HMCES: variants seen among roughly 807,000 people sequenced by gnomAD.
HMCES encodes 5-hydroxymethylcytosine binding, ES cell specific.
A neutral mutation model predicts 35.1 loss-of-function variants in HMCES; 27 were observed. That is an observed-to-expected ratio of 0.77 (90% confidence interval 0.57 to 1.06). The LOEUF (loss-of-function observed/expected upper bound fraction) is 1.06, where lower values mean the gene tolerates loss of function less well. Ranked by LOEUF, HMCES falls within the 50% of genes least tolerant of loss-of-function variation. The pLI is 0.00. For missense variants in HMCES, 391 were observed against 430.4 expected, an observed-to-expected ratio of 0.91 and a Z score of 0.81; for synonymous variants, 130 against 154.7, an observed-to-expected ratio of 0.84 and a Z score of 1.18.
At chr3:129,281,926 CA>C (rs553350109) in intron 2 of HMCES, among the ~76,000 whole-genome samples, 15,702 of 71,678 alleles carry the variant, frequency 0.22, 579 homozygotes, top group African/African-American at 0.28. Flanking sequence ...GACTCAGTCT[CA>C]AAAAAAAAAA....
At chr3:129,291,907 A>G (rs2071023365) in intron 4 of HMCES, among the ~76,000 whole-genome samples, 1 of 152,138 alleles carries the variant, frequency 6.6e-6, no homozygotes, top group Non-Finnish European at 1.5e-5. Flanking sequence ...TCTGGGCAAC[A>G]TGGCGAAAAC....
chr3:129,283,168 G>GGA (rs757802731), intron 2 of HMCES, among the ~76,000 whole-genome samples: 1 of 152,096 alleles, frequency 6.6e-6, no homozygotes, highest in Non-Finnish European at 1.5e-5. Context: ...AGAAGTCTCT[G>GGA]GATGGTGGGG....
In HMCES at chr3:129,289,016, T is replaced by A. The variant is rs776149687; in HGVS notation, c.327+19T>A. ...ATTTAAGGTAGGTGGCTGGTAGCTA[T>A]TAGTGCCCCGTATACCTCAGAAATA... On this transcript the variant is annotated intron_variant, in intron 3 of 6. Transcript: ENST00000383463. The A allele has an allele frequency of 2.0e-6, 3 of 1,536,300 alleles. No homozygotes were observed. Among genetic ancestry groups the A allele is most frequent in the Non-Finnish European group, 2.7e-6 (3 of 1,123,032 alleles).
intron 2 of HMCES, among the ~76,000 whole-genome samples, chr3:129,281,926 CAAAAA>C (rs553350109): frequency 1.4e-5 from 1 of 71,594 alleles, no homozygotes; most frequent in African/African-American, 4.5e-5. Flanking sequence ...GACTCAGTCT[CAAAAA>C]AAAAAAAAAA....
intron 5 of HMCES, among the ~76,000 whole-genome samples, chr3:129,299,824 T>TTTCGCCA (rs1373395991): frequency 2.6e-5 from 4 of 151,758 alleles, no homozygotes; most frequent in African/African-American, 9.7e-5. Context: ...GCTAACAGGG[T>TTTCGCCA]TTCGCCATGT....
intron 6 of HMCES, among the ~76,000 whole-genome samples, chr3:129,302,785 G>C (rs2071185413): frequency 6.6e-6 from 1 of 152,070 alleles, no homozygotes; most frequent in African/African-American, 2.4e-5. Context: ...GGCAGAGGTG[G>C]GAGGGTAGCT....
rs2071218050 is a variant in HMCES at position 129,305,028 on chromosome 3, C to G, written c.*203C>G. The G allele has an allele frequency of 1.0e-5, 6 of 586,382 alleles. 1 individual carries two copies. The South Asian group carries it at 1.2e-4, about 12-fold the overall frequency. 36.3% of individuals were successfully genotyped at this position (586,382 alleles called of 1,614,324 possible). ...CAGCTTTGGAAGAGGTGTCCTGCTG[C>G]TGTTACCAGCCATGTGGGCCCCATA... On this transcript the variant is annotated 3_prime_UTR_variant, in exon 7 of 7. Transcript: ENST00000383463.
chr3:129,298,914 G>A (rs2071126984), intron 5 of HMCES, among the ~76,000 whole-genome samples: 1 of 152,222 alleles, frequency 6.6e-6, no homozygotes, highest in African/African-American at 2.4e-5. Context: ...GGATGCTGAG[G>A]TGGGTGGATC....
chr3:129,295,393 C>T (rs2071080190), intron 4 of HMCES, among the ~76,000 whole-genome samples: 1 of 150,518 alleles, frequency 6.6e-6, no homozygotes, highest in Non-Finnish European at 1.5e-5. Context: ...GCCGAGATCA[C>T]ACCACTACAC....
At chr3:129,304,559 A>G in intron 6 of HMCES, 30 bp from the exon 7 acceptor site, 1 of 1,587,040 alleles carries the variant, frequency 6.3e-7, no homozygotes, top group Non-Finnish European at 8.7e-7. Flanking sequence ...CTTGAGCTGT[A>G]TGGTTTGAGC....
intron 3 of HMCES, among the ~76,000 whole-genome samples, chr3:129,289,240 C>G (rs1387456238): frequency 1.3e-5 from 2 of 152,194 alleles, no homozygotes; most frequent in Non-Finnish European, 1.5e-5. Context: ...CTCATCTGGG[C>G]AGTTTTCACT....
chr3:129,299,195 C>G (rs1378562453), intron 5 of HMCES, among the ~76,000 whole-genome samples: 1 of 152,134 alleles, frequency 6.6e-6, no homozygotes, highest in African/African-American at 2.4e-5. Context: ...GGCACTTTAC[C>G]TCGACAAGAC....
In HMCES at chr3:129,279,754, C is replaced by T. The variant is rs985224176; in HGVS notation, c.22C>T (p.His8Tyr). 10 of 1,612,838 alleles carry T rather than the reference C, an allele frequency of 6.2e-6. No individual in the cohort carries two copies. The highest frequency in any genetic ancestry group is 7.6e-6 in the Non-Finnish European group (9 of 1,179,618). ...AAGAATGTGTGGGCGAACATCCTGT[C>T]ACTTACCTAGAGATGTTCTCACGAG... is the stretch of plus-strand genomic sequence containing the variant. MCGRTSC[H>Y]LPRDVLTRAC... Residue 8 changes from histidine to tyrosine, a missense_variant, in exon 2 of 7, where the codon CAC (histidine) becomes TAC (tyrosine). His to Tyr is a moderately conservative substitution (Grantham distance 83, BLOSUM62 2). Coordinates refer to ENST00000383463, the MANE Select transcript of HMCES (RefSeq NM_020187.3). The surrounding 1 kb of genome is among the most constrained non-coding windows in gnomAD (Gnocchi z 4.2).
At chr3:129,288,714 G>A in intron 2 of HMCES, 140 bp from the exon 3 acceptor site, 1 of 717,652 alleles carries the variant, frequency 1.4e-6, no homozygotes, top group Non-Finnish European at 2.0e-6. Flanking sequence ...TAAAAAAATT[G>A]TTTTCAAGTA....
chr3:129,297,731 G>A (rs2071111365), intron 4 of HMCES, among the ~76,000 whole-genome samples: 1 of 152,126 alleles, frequency 6.6e-6, no homozygotes, highest in Non-Finnish European at 1.5e-5. Flanking sequence ...CTGCCAATAA[G>A]CCAGTACTTG....
intron 5 of HMCES, among the ~76,000 whole-genome samples, chr3:129,298,809 A>G (rs2071125686): frequency 6.6e-6 from 1 of 152,132 alleles, no homozygotes; most frequent in African/African-American, 2.4e-5. Flanking sequence ...ACCTAATAAA[A>G]CAGTAGCACT....
chr3:129,290,004 G>T (rs913726982), intron 3 of HMCES, among the ~76,000 whole-genome samples: 2 of 151,692 alleles, frequency 1.3e-5, no homozygotes, highest in African/African-American at 4.8e-5. Context: ...TGGCTAACAC[G>T]GTGAAACCCC....
At chr3:129,290,014 C>A (rs190210682) in intron 3 of HMCES, among the ~76,000 whole-genome samples, 10,064 of 151,512 alleles carry the variant, frequency 0.066, 1,081 homozygotes, top group African/African-American at 0.23. Context: ...GGTGAAACCC[C>A]GTCTCTACTA....
At chr3:129,294,077 A>G (rs1320312546) in intron 4 of HMCES, among the ~76,000 whole-genome samples, 7 of 152,140 alleles carry the variant, frequency 4.6e-5, no homozygotes, top group Admixed American at 3.9e-4. Flanking sequence ...ATAATCTTTT[A>G]TAATTGCATT....
Sources: allele counts gnomAD v4.1 joint callset (sites outside exome capture counted in the v4.1 genomes callset), GRCh38; gene constraint gnomAD v4.1.1; non-coding constraint Gnocchi (gnomAD v3.1); transcripts MANE v1.5; gene names NCBI Gene and HGNC (gene_info 2026-07-23, HGNC 2026-07-21).